Variants in CSMD1 observed in about 807,000 individuals in gnomAD.
CSMD1 encodes CUB and Sushi multiple domains 1.
Under a neutral mutation model 417.5 loss-of-function variants are expected in CSMD1, and 213 were observed. That is an observed-to-expected ratio of 0.51 (90% CI 0.46 to 0.57). The LOEUF is 0.57. Among genes scored for constraint, CSMD1 ranks in the 20% least tolerant of loss-of-function variants. The probability of loss-of-function intolerance (pLI) is 0.00; values close to 1 mark genes in which losing one functional copy is unlikely to be tolerated. For missense variants in CSMD1, 6,923 were observed against 4,529.7 expected, an observed-to-expected ratio of 1.53 and a Z score of -15.17; for synonymous variants, 2,862 against 1,736.8, an observed-to-expected ratio of 1.65 and a Z score of -16.11.
chr8:3,287,612 T>C lies in CSMD1; in HGVS notation c.3951-3266A>G, dbSNP rs187645455. 3.1e-3 allele frequency among the ~76,000 whole-genome samples: 479 copies of C among 152,312 alleles called. 6 individuals carry two copies. Among genetic ancestry groups the C allele is most frequent in the Non-Finnish European group, 5.6e-3 (382 of 68,030 alleles). Reference sequence around the variant, plus strand: ...GATTTGGCTCTCTGTTTGTCTGTTATTGGCATATGAGAATGCTTGTGATTT... The same window carrying C: ...GATTTGGCTCTCTGTTTGTCTGTTACTGGCATATGAGAATGCTTGTGATTT... On this transcript the variant is annotated intron_variant, in intron 25 of 69. Transcript: ENST00000635120.
intron 3 of CSMD1, among the ~76,000 whole-genome samples, chr8:4,235,239 C>A (rs1353638837): frequency 3.9e-5 from 6 of 152,262 alleles, no homozygotes; most frequent in Non-Finnish European, 8.8e-5. Context: ...AAACGAACAA[C>A]ATCATTTTTG....
At chr8:4,123,215 C>A (rs1478752060) in intron 3 of CSMD1, among the ~76,000 whole-genome samples, 1 of 152,260 alleles carries the variant, frequency 6.6e-6, no homozygotes, top group East Asian at 1.9e-4. Context: ...TTCCTTAGAG[C>A]CAAGTTCACA....
intron 3 of CSMD1, among the ~76,000 whole-genome samples, chr8:4,034,757 A>T (rs1797529110): frequency 1.3e-5 from 2 of 152,202 alleles, no homozygotes; most frequent in African/African-American, 2.4e-5. Flanking sequence ...ATAAATCAAC[A>T]TGTCTTCTTA....
intron 3 of CSMD1, among the ~76,000 whole-genome samples, chr8:4,234,251 T>C (rs1801914156): frequency 6.6e-6 from 1 of 151,684 alleles, no homozygotes; most frequent in South Asian, 2.1e-4. Context: ...AAGCAGGAGG[T>C]TGTGAATGAA....
intron 3 of CSMD1, among the ~76,000 whole-genome samples, chr8:4,093,985 GA>G (rs528727074): frequency 0.052 from 7,832 of 151,768 alleles, 431 homozygotes; most frequent in East Asian, 0.26. Context: ...TAGATAGATA[GA>G]TAGATAGATA....
At chr8:4,025,525 G>C (rs1466146759) in intron 4 of CSMD1, among the ~76,000 whole-genome samples, 1 of 152,124 alleles carries the variant, frequency 6.6e-6, no homozygotes, top group South Asian at 2.1e-4. Context: ...AAACTATCTA[G>C]CTGCTTCTTC....
rs377667550 is a variant in CSMD1, at chr8:4,012,874, C to T, written c.611-14764G>A. Among the ~76,000 whole-genome samples, 4 of 152,144 alleles carry T rather than the reference C, an allele frequency of 2.6e-5. No individual in the cohort carries two copies. The South Asian group carries it at 6.2e-4, about 24-fold the overall frequency. On this transcript the variant is annotated intron_variant, in intron 4 of 69. Coordinates refer to ENST00000635120, the MANE Select transcript of CSMD1 (RefSeq NM_033225.6). ...TGCCATCCATGACTCTTCTATGTCT[C>T]TCATGTGTCACAACCACTGTGTAGG...
At chr8:3,265,167 C>A (rs973834802) in intron 26 of CSMD1, among the ~76,000 whole-genome samples, 2 of 152,230 alleles carry the variant, frequency 1.3e-5, no homozygotes, top group East Asian at 1.9e-4. Flanking sequence ...AATTTACACT[C>A]TCACTAGAAC....
intron 3 of CSMD1, among the ~76,000 whole-genome samples, chr8:4,393,457 C>CA (rs1803993401): frequency 6.6e-6 from 1 of 152,170 alleles, no homozygotes; most frequent in African/African-American, 2.4e-5. Flanking sequence ...ATGAATATCA[C>CA]ATGCATGATT....
intron 3 of CSMD1, among the ~76,000 whole-genome samples, chr8:4,258,392 A>C (rs1250053012): frequency 1.0e-3 from 2 of 1,936 alleles, no homozygotes; most frequent in Non-Finnish European, 1.1e-3. Flanking sequence ...GGAGGGGAGG[A>C]TGGAAGGAGG....
At chr8:3,270,507 T>G (rs1339391170) in intron 26 of CSMD1, among the ~76,000 whole-genome samples, 1 of 152,238 alleles carries the variant, frequency 6.6e-6, no homozygotes, top group Non-Finnish European at 1.5e-5. Context: ...ATAAAACTAT[T>G]CTGCCTGATT....
rs79200517 is a variant in CSMD1 at position 3,070,012 on chromosome 8, C to G, written c.7474+17085G>C. Among the ~76,000 whole-genome samples, 96 of 152,336 alleles carry G rather than the reference C, an allele frequency of 6.3e-4. 1 individual carries two copies. The East Asian group carries it at 0.018, about 29-fold the overall frequency. On this transcript the variant is annotated intron_variant, in intron 49 of 69. Coordinates refer to ENST00000635120, the MANE Select transcript of CSMD1 (RefSeq NM_033225.6). ...TGGCTTGCACCCTTCGGAACGGGGT[C>G]TGAGCTGCACCTGGGCACTTGTGAT...
At chr8:4,410,744 G>C (rs902361894) in intron 3 of CSMD1, among the ~76,000 whole-genome samples, 1 of 152,254 alleles carries the variant, frequency 6.6e-6, no homozygotes, top group East Asian at 1.9e-4. Context: ...TTATGATTAA[G>C]ATGAAAAATA....
intron 3 of CSMD1, 120 bp downstream of exon 3, chr8:4,419,833 T>C (rs1240748063): frequency 1.5e-6 from 1 of 655,440 alleles, no homozygotes; most frequent in African/African-American, 1.8e-5. Flanking sequence ...AGAAGCCAAA[T>C]GTCTACACCA....
intron 3 of CSMD1, among the ~76,000 whole-genome samples, chr8:4,127,754 G>T (rs1345235030): frequency 6.6e-6 from 1 of 152,160 alleles, no homozygotes; most frequent in South Asian, 2.1e-4. Context: ...CAGCTACCAA[G>T]TCTTGACATA....
chr8:3,399,210 G>T (rs771343480), intron 16 of CSMD1, among the ~76,000 whole-genome samples, 181 bp downstream of exon 16: 2 of 152,168 alleles, frequency 1.3e-5, no homozygotes, highest in Non-Finnish European at 2.9e-5. Context: ...CTCACTGTGG[G>T]CTTAGAGGAT....
At chr8:4,227,225 G>A (rs959149137) in intron 3 of CSMD1, among the ~76,000 whole-genome samples, 1 of 152,098 alleles carries the variant, frequency 6.6e-6, no homozygotes, top group Non-Finnish European at 1.5e-5. Flanking sequence ...TGCATGACCC[G>A]ATGAGAATCA....
chr8:4,076,718 C>T (rs1012959679), intron 3 of CSMD1, among the ~76,000 whole-genome samples: 4 of 152,200 alleles, frequency 2.6e-5, no homozygotes. Flanking sequence ...TGCTACTCAT[C>T]TCTGGCTCTC....
At chr8:4,281,537 G>C (rs951418769) in intron 3 of CSMD1, among the ~76,000 whole-genome samples, 2 of 152,134 alleles carry the variant, frequency 1.3e-5, no homozygotes, top group Non-Finnish European at 2.9e-5. Context: ...CACATTAAAG[G>C]TCCTTTAAAA....
Sources: allele counts gnomAD v4.1 joint callset (sites outside exome capture counted in the v4.1 genomes callset), GRCh38; gene constraint gnomAD v4.1.1; transcripts MANE v1.5; gene names NCBI Gene and HGNC (gene_info 2026-07-23, HGNC 2026-07-21).